The following GALNT7 variants were observed in gnomAD, a reference collection of about 807,000 sequenced individuals.
The protein encoded by GALNT7 is polypeptide N-acetylgalactosaminyltransferase 7, also known as N-acetylgalactosaminyltransferase 7.
GALNT7 carries 60 observed loss-of-function variants against 82.1 expected under a neutral mutation model. That is an observed-to-expected ratio of 0.73 (90% confidence interval 0.59 to 0.91). GALNT7 has a LOEUF of 0.91. Ranked by LOEUF, GALNT7 falls within the 40% of genes least tolerant of loss-of-function variation. The pLI is 0.00. For missense variants in GALNT7, 660 were observed against 804.2 expected (o/e 0.82, Z 2.17); for synonymous variants, 243 against 275.1 (o/e 0.88, Z 1.15).
At chr4:173,209,084 A>T (rs557838149) in intron 1 of GALNT7, among the ~76,000 whole-genome samples, 1 of 152,352 alleles carries the variant, frequency 6.6e-6, no homozygotes, top group South Asian at 2.1e-4. Flanking sequence ...GAATTCTTAC[A>T]TATATTTGTG....
At chr4:173,173,638 C>G (rs1316953247) in intron 1 of GALNT7, among the ~76,000 whole-genome samples, 1 of 152,148 alleles carries the variant, frequency 6.6e-6, no homozygotes, top group Non-Finnish European at 1.5e-5. Context: ...CCCTTGCATG[C>G]AGTTCACAAT....
intron 6 of GALNT7, among the ~76,000 whole-genome samples, chr4:173,299,128 T>TA (rs1736823468): frequency 1.3e-5 from 2 of 152,230 alleles, no homozygotes; most frequent in Admixed American, 6.5e-5. Context: ...CTCTCCCTGT[T>TA]ACACTGCTGG....
chr4:173,183,959 C>T (rs1163054600), intron 1 of GALNT7, among the ~76,000 whole-genome samples: 3 of 151,650 alleles, frequency 2.0e-5, no homozygotes, highest in African/African-American at 2.4e-5. Flanking sequence ...ACCTCCCAGA[C>T]GGGGTCGCGG....
At chr4:173,186,970 A>T (rs967260782) in intron 1 of GALNT7, among the ~76,000 whole-genome samples, 5 of 151,974 alleles carry the variant, frequency 3.3e-5, no homozygotes, top group African/African-American at 1.2e-4. Context: ...GTTGGCCAGG[A>T]TGGTCTCGAT....
At chr4:173,295,986 T>C in intron 5 of GALNT7, 143 bp downstream of exon 5, 1 of 647,366 alleles carries the variant, frequency 1.5e-6, no homozygotes, top group Non-Finnish European at 2.8e-6. Flanking sequence ...TTTGTTTCCT[T>C]GGGTGGAGCT....
intron 1 of GALNT7, among the ~76,000 whole-genome samples, chr4:173,214,268 A>G (rs1438903352): frequency 1.3e-5 from 2 of 151,870 alleles, no homozygotes; most frequent in African/African-American, 2.4e-5. Flanking sequence ...TTCAAAAGAC[A>G]GAATAAATAC....
chr4:173,266,272 GAAAAA>G (rs1735487321), intron 2 of GALNT7, among the ~76,000 whole-genome samples: 1 of 152,098 alleles, frequency 6.6e-6, no homozygotes, highest in Non-Finnish European at 1.5e-5. Flanking sequence ...AAAGGAAAAA[GAAAAA>G]GAAAAGAAAA....
At chr4:173,319,461 T>G (rs914168194) in intron 11 of GALNT7, among the ~76,000 whole-genome samples, 1 of 152,162 alleles carries the variant, frequency 6.6e-6, no homozygotes, top group African/African-American at 2.4e-5. Flanking sequence ...ATGATTTTGT[T>G]TCTTATAACA....
In GALNT7 at chr4:173,302,653, A is replaced by G. The variant is rs752596198; in HGVS notation, c.1266+489A>G. Among the ~76,000 whole-genome samples, 5 of 152,142 alleles carry G rather than the reference A, an allele frequency of 3.3e-5. No individual in the cohort carries two copies. The highest frequency in any genetic ancestry group is 1.2e-4 in the African/African-American group (5 of 41,436). ...GTTGAAGCAGTCTGGGAGCAATACT[A>G]TCTTCCATGCTCCAGCCCCCACCTC... On this transcript the variant is annotated intron_variant, in intron 7 of 11. Transcript: ENST00000265000. This position sits in a 1 kb window ranked among gnomAD's most constrained non-coding sequence, Gnocchi z 4.2.
intron 8 of GALNT7, among the ~76,000 whole-genome samples, chr4:173,313,075 T>C (rs944263845): frequency 6.6e-6 from 1 of 152,000 alleles, no homozygotes; most frequent in African/African-American, 2.4e-5. Context: ...ATATATTTTT[T>C]TTAAATTAAA....
intron 1 of GALNT7, 120 bp downstream of exon 1, chr4:173,169,081 G>A: frequency 1.1e-6 from 1 of 927,616 alleles, no homozygotes; most frequent in South Asian, 2.0e-5. Flanking sequence ...CAGCTCCGCA[G>A]GTGGTGCTGG....
intron 2 of GALNT7, among the ~76,000 whole-genome samples, chr4:173,270,012 T>G (rs2126786723): frequency 6.6e-6 from 1 of 152,316 alleles, no homozygotes; most frequent in South Asian, 2.1e-4. Context: ...AAGAACTAGA[T>G]GATATAAATG....
At chr4:173,317,137 G>A (rs1250339011) in intron 9 of GALNT7, 1 of 152,224 alleles carries the variant, frequency 6.6e-6, no homozygotes, top group East Asian at 1.9e-4. Flanking sequence ...TTTCATCTAC[G>A]TTTATAGAGA....
At chr4:173,313,911 AT>A in intron 8 of GALNT7, 46 bp from the exon 9 acceptor site, 1 of 890,170 alleles carries the variant, frequency 1.1e-6, no homozygotes, top group Non-Finnish European at 1.7e-6. Context: ...ATGATATGAC[AT>A]TTGTATTTTT....
chr4:173,276,078 C>T (rs1172161352), intron 2 of GALNT7, among the ~76,000 whole-genome samples: 1 of 152,194 alleles, frequency 6.6e-6, no homozygotes, highest in Non-Finnish European at 1.5e-5. Flanking sequence ...TTTTGACTTT[C>T]AGCCTTAAAT....
At chr4:173,266,078 C>T (rs915352279) in intron 2 of GALNT7, among the ~76,000 whole-genome samples, 4 of 152,036 alleles carry the variant, frequency 2.6e-5, no homozygotes, top group East Asian at 1.9e-4. Context: ...GCCAACATGG[C>T]GAAACCCTGT....
intron 1 of GALNT7, among the ~76,000 whole-genome samples, chr4:173,171,315 G>C (rs1731864143): frequency 2.0e-5 from 3 of 152,154 alleles, no homozygotes; most frequent in Non-Finnish European, 4.4e-5. Context: ...TTACTTCGAT[G>C]ACTATTGCAT....
chr4:173,182,021 C>T (rs1732264200), intron 1 of GALNT7, among the ~76,000 whole-genome samples: 1 of 152,134 alleles, frequency 6.6e-6, no homozygotes, highest in Non-Finnish European at 1.5e-5. Flanking sequence ...AGTTATCATC[C>T]TTGACCACCG....
chr4:173,182,661 T>TACACACAC lies in GALNT7; in HGVS notation c.126+13728_126+13735dup, dbSNP rs60501649. 8.7e-3 allele frequency among the ~76,000 whole-genome samples: 1,165 copies of TACACACAC among 133,508 alleles called. 23 individuals carry two copies. The highest frequency in any genetic ancestry group is 0.046 in the Admixed American group (603 of 13,200). 87.6% of individuals were successfully genotyped at this position (133,508 alleles called of 152,430 possible). ...GATGAGGCAAGCAGGTTACTCATAATACACACACACACACACACACACACA... is the reference window on the plus strand; with the variant it reads ...GATGAGGCAAGCAGGTTACTCATAATACACACACACACACACACACACACACACACACA... On this transcript the variant is annotated intron_variant, in intron 1 of 11. Coordinates refer to ENST00000265000, the MANE Select transcript of GALNT7 (RefSeq NM_017423.3).
Sources: allele counts gnomAD v4.1 joint callset (sites outside exome capture counted in the v4.1 genomes callset), GRCh38; gene constraint gnomAD v4.1.1; non-coding constraint Gnocchi (gnomAD v3.1); transcripts MANE v1.5; gene names NCBI Gene and HGNC (gene_info 2026-07-23, HGNC 2026-07-21).